Variants in FPR3 observed in about 807,000 individuals in gnomAD.
FPR3 encodes formyl peptide receptor 3, also known as N-formyl peptide receptor 3.
For missense variants in FPR3, 346 were observed against 443.2 expected (o/e 0.78, Z 1.97); for synonymous variants, 135 against 163.6 (o/e 0.83, Z 1.34).
At position 51,806,643 on chromosome 19, in the gene FPR3, G is replaced by A. The variant is rs968681906; in HGVS notation, c.-11+11312G>A. Among the ~76,000 whole-genome samples the A allele has an allele frequency of 2.0e-5, 3 of 152,202 alleles. No homozygotes were observed. In the East Asian group the frequency reaches 5.8e-4, roughly 29 times the overall value. ...GTTTTATGGGTTATAGCCCAAAGCT[G>A]TAGGAAATTTTGAAAAGCATGACTA... is the stretch of plus-strand genomic sequence containing the variant. On this transcript the variant is annotated intron_variant, in intron 1 of 1. Coordinates refer to ENST00000339223, the MANE Select transcript of FPR3 (RefSeq NM_002030.5).
intron 1 of FPR3, among the ~76,000 whole-genome samples, chr19:51,808,811 T>C (rs1008301549): frequency 1.3e-5 from 2 of 152,214 alleles, no homozygotes; most frequent in Non-Finnish European, 2.9e-5. Flanking sequence ...CGGACTTTTT[T>C]GGAAAAACAA....
At chr19:51,796,656 C>T (rs1362953178) in intron 1 of FPR3, among the ~76,000 whole-genome samples, 9 of 152,148 alleles carry the variant, frequency 5.9e-5, no homozygotes, top group Admixed American at 2.0e-4. Context: ...ACGTGGATGG[C>T]GTTGGGTGGT....
chr19:51,807,021 T>C (rs1259524228), intron 1 of FPR3, among the ~76,000 whole-genome samples: 1 of 152,254 alleles, frequency 6.6e-6, no homozygotes, highest in African/African-American at 2.4e-5. Flanking sequence ...CCTGTCTTTA[T>C]GGTTGACAAT....
chr19:51,806,413 C>T (rs1286961139), intron 1 of FPR3, among the ~76,000 whole-genome samples: 1 of 152,198 alleles, frequency 6.6e-6, no homozygotes, highest in African/African-American at 2.4e-5. Flanking sequence ...TCCTCTTTTC[C>T]TCTAACACTT....
chr19:51,817,695 T>C (rs138797344), intron 1 of FPR3: 3 of 152,336 alleles, frequency 2.0e-5, no homozygotes, highest in African/African-American at 7.2e-5. Flanking sequence ...TGAGGTGTTG[T>C]CTGATTCTAG....
chr19:51,796,810 T>C (rs2084002198), intron 1 of FPR3, among the ~76,000 whole-genome samples: 1 of 152,202 alleles, frequency 6.6e-6, no homozygotes, highest in Non-Finnish European at 1.5e-5. Context: ...CATGTGAGGT[T>C]TGGAGTCTAT....
At chr19:51,801,775 T>C (rs975017629) in intron 1 of FPR3, among the ~76,000 whole-genome samples, 1 of 152,316 alleles carries the variant, frequency 6.6e-6, no homozygotes, top group East Asian at 1.9e-4. Flanking sequence ...ACAAAATTTA[T>C]GGACTTCATA....
intron 1 of FPR3, among the ~76,000 whole-genome samples, chr19:51,823,156 C>A (rs190989432): frequency 1.3e-5 from 2 of 152,250 alleles, no homozygotes; most frequent in African/African-American, 4.8e-5. Context: ...AGTCACCACG[C>A]CCGGCCTATA....
chr19:51,826,130 G>T lies in FPR3; in HGVS notation c.*1320G>T. ...CTTTCATTTACATAATTATAAATTAGATTAAGTTTTCAATGTTAAGCTACC... is the reference window on the plus strand; with the variant it reads ...CTTTCATTTACATAATTATAAATTATATTAAGTTTTCAATGTTAAGCTACC... On this transcript the variant is annotated 3_prime_UTR_variant, in exon 2 of 2. Coordinates refer to ENST00000339223, the MANE Select transcript of FPR3 (RefSeq NM_002030.5). 1 of 153,262 alleles carries T rather than the reference G, an allele frequency of 6.5e-6. No individual in the cohort carries two copies. The allele number at this position is 153,262 out of a possible 1,614,324, so 9.5% of individuals were successfully genotyped here.
At chr19:51,804,429 T>A (rs2084044465) in intron 1 of FPR3, among the ~76,000 whole-genome samples, 1 of 152,080 alleles carries the variant, frequency 6.6e-6, no homozygotes, top group Admixed American at 6.5e-5. Flanking sequence ...AATGTAAACA[T>A]AGGACAAATA....
intron 1 of FPR3, among the ~76,000 whole-genome samples, chr19:51,797,754 C>T (rs1287661174): frequency 1.3e-5 from 2 of 152,030 alleles, no homozygotes; most frequent in African/African-American, 4.8e-5. Flanking sequence ...TGTCCTGACC[C>T]TGAGCTTCAT....
At chr19:51,811,867 T>G (rs549285233) in intron 1 of FPR3, among the ~76,000 whole-genome samples, 134 of 152,172 alleles carry the variant, frequency 8.8e-4, no homozygotes, top group Non-Finnish European at 1.6e-3. Context: ...GATAAACAGT[T>G]TGCTGTTTGA....
At chr19:51,821,990 T>C (rs1257083422) in intron 1 of FPR3, among the ~76,000 whole-genome samples, 1 of 152,128 alleles carries the variant, frequency 6.6e-6, no homozygotes. Context: ...CACAGAGAGA[T>C]TCTAGAGTTG....
Position 51,823,988 on chromosome 19 carries a change from C to G in FPR3, c.240C>G (p.Phe80Leu). 6.8e-6 allele frequency: 11 copies of G among 1,614,070 alleles called. No homozygotes were observed. Among genetic ancestry groups the G allele is most frequent in the Non-Finnish European group, 7.6e-6 (9 of 1,179,966 alleles). The change falls in exon 2 of 2, where the codon TTC (phenylalanine) becomes TTG (leucine). Residue 80 changes from phenylalanine (F) to leucine (L), a missense_variant. By Grantham distance (22) the Phe-to-Leu change is conservative (BLOSUM62 0). Coordinates refer to ENST00000339223, the MANE Select transcript of FPR3 (RefSeq NM_002030.5). ...ADFSFSAILP[F>L]RMVSVAMREK... ...TCTCTTTCAGTGCCATCCTACCATT[C>G]CGAATGGTCTCAGTCGCCATGAGAG...
At chr19:51,809,611 T>C (rs1396508449) in intron 1 of FPR3, among the ~76,000 whole-genome samples, 1 of 152,248 alleles carries the variant, frequency 6.6e-6, no homozygotes, top group African/African-American at 2.4e-5. Flanking sequence ...TTAAAACTAC[T>C]TGAATTTCTC....
intron 1 of FPR3, among the ~76,000 whole-genome samples, chr19:51,813,295 A>G (rs1008126639): frequency 3.3e-5 from 5 of 152,162 alleles, no homozygotes; most frequent in African/African-American, 1.2e-4. Flanking sequence ...AAAGGGAAAG[A>G]CAAGTGCCTA....
intron 1 of FPR3, among the ~76,000 whole-genome samples, chr19:51,800,411 G>A (rs114224240): frequency 7.2e-5 from 11 of 152,342 alleles, no homozygotes; most frequent in African/African-American, 2.2e-4. Flanking sequence ...TAAACCTGCA[G>A]AGGTGCCAGT....
chr19:51,797,313 G>A (rs1302839108), intron 1 of FPR3, among the ~76,000 whole-genome samples: 1 of 151,318 alleles, frequency 6.6e-6, no homozygotes, highest in Non-Finnish European at 1.5e-5. Flanking sequence ...CATTCTCTTT[G>A]GATGTTTGGC....
rs1029770976 is a variant in FPR3 at position 51,824,568 on chromosome 19, A to T, written c.820A>T (p.Asn274Tyr). ...MAVWLKEMLL[N>Y]GKYKIILVLI... is the part of the protein sequence containing the mutation. ...AGTCTGGCTCAAAGAGATGTTGTTA[A>T]ATGGCAAATACAAAATCATTCTTGT... The change falls in exon 2 of 2, where the codon AAT (asparagine) becomes TAT (tyrosine). Residue 274 changes from asparagine (N) to tyrosine (Y), a missense_variant. Transcript: ENST00000339223. The surrounding 1 kb of genome is among the most constrained non-coding windows in gnomAD (Gnocchi z 4.7). The T allele has an allele frequency of 1.5e-5, 24 of 1,614,174 alleles. No individual in the cohort carries two copies. Among genetic ancestry groups the T allele is most frequent in the Admixed American group, 3.3e-5 (2 of 60,032 alleles).
Sources: gnomAD v4.1 joint callset for allele counts (sites outside exome capture counted in the v4.1 genomes callset) on GRCh38, gnomAD v4.1.1 for gene constraint, Gnocchi (gnomAD v3.1) non-coding constraint, MANE v1.5 for transcripts, NCBI Gene and HGNC (gene_info 2026-07-23, HGNC 2026-07-21) for gene names.